SPATA17: variants seen among roughly 807,000 people sequenced by gnomAD.
The protein encoded by SPATA17 is spermatogenesis-associated protein 17.
Under a neutral mutation model 62.2 loss-of-function variants are expected in SPATA17, and 53 were observed. That is an observed-to-expected ratio of 0.85 (90% CI 0.68 to 1.07). The LOEUF is 1.07. Ranked by LOEUF, SPATA17 falls within the 50% of genes least tolerant of loss-of-function variation. SPATA17 has a pLI of 0.00. For synonymous variants in SPATA17, 146 were observed against 146.8 expected (o/e 0.99, Z 0.04); for missense variants, 466 against 425.5 (o/e 1.10, Z -0.84).
intron 1 of SPATA17, among the ~76,000 whole-genome samples, chr1:217,635,567 G>C (rs1669917582): frequency 6.6e-6 from 1 of 152,012 alleles, no homozygotes; most frequent in Non-Finnish European, 1.5e-5. Context: ...AGCCAGGGGT[G>C]GTGGTGCGCA....
chr1:217,819,614 C>T (rs1674811388), intron 9 of SPATA17, among the ~76,000 whole-genome samples: 1 of 152,024 alleles, frequency 6.6e-6, no homozygotes, highest in African/African-American at 2.4e-5. Flanking sequence ...CTTTAGTAAG[C>T]TTTCTCTCCC....
At chr1:217,849,552 C>T (rs909232458) in intron 9 of SPATA17, among the ~76,000 whole-genome samples, 6 of 152,084 alleles carry the variant, frequency 3.9e-5, no homozygotes, top group African/African-American at 1.4e-4. Context: ...AAAAAAAATT[C>T]TCTAATCTCT....
intron 5 of SPATA17, among the ~76,000 whole-genome samples, chr1:217,707,888 C>T (rs1671771217): frequency 6.6e-6 from 1 of 152,102 alleles, no homozygotes; most frequent in African/African-American, 2.4e-5. Flanking sequence ...AATAGAAATC[C>T]TTGTTAAGAA....
intron 9 of SPATA17, among the ~76,000 whole-genome samples, chr1:217,808,853 C>CAA (rs34369449): frequency 2.0e-5 from 2 of 100,286 alleles, no homozygotes; most frequent in Admixed American, 1.1e-4. Flanking sequence ...GACTCTGTCT[C>CAA]AAAAAAAAAA....
At position 217,714,046 on chromosome 1, in the gene SPATA17, T is replaced by C. The variant is rs531998429; in HGVS notation, c.396-27929T>C. On this transcript the variant is annotated intron_variant, in intron 5 of 10. Coordinates refer to ENST00000366933, the MANE Select transcript of SPATA17 (RefSeq NM_138796.4). ...GGAAATCACAAAGACATGGCCCAGATTGGAAGATAGAAGCCTAAAGGAAGA... is the reference window on the plus strand; with the variant it reads ...GGAAATCACAAAGACATGGCCCAGACTGGAAGATAGAAGCCTAAAGGAAGA... Among the ~76,000 whole-genome samples, 10 of 152,144 alleles carry C rather than the reference T, an allele frequency of 6.6e-5. No homozygotes were observed. In the South Asian group the frequency reaches 1.5e-3, roughly 22 times the overall value.
intron 5 of SPATA17, among the ~76,000 whole-genome samples, chr1:217,688,335 A>G (rs115952091): frequency 0.05 from 7,630 of 152,248 alleles, 249 homozygotes; most frequent in Middle Eastern, 0.12. Context: ...CTTTCTACCA[A>G]AACACCTACT....
At chr1:217,861,154 A>G (rs1019443917) in intron 9 of SPATA17, among the ~76,000 whole-genome samples, 1 of 152,014 alleles carries the variant, frequency 6.6e-6, no homozygotes, top group African/African-American at 2.4e-5. Flanking sequence ...CTTGTTCACA[A>G]GCGATAATGA....
intron 3 of SPATA17, among the ~76,000 whole-genome samples, chr1:217,660,015 A>G (rs1379185979): frequency 6.6e-6 from 1 of 152,150 alleles, no homozygotes; most frequent in Admixed American, 6.5e-5. Context: ...TGCTATACCT[A>G]TGTAAATATG....
chr1:217,806,836 A>G (rs1674446001), intron 9 of SPATA17, among the ~76,000 whole-genome samples: 1 of 152,164 alleles, frequency 6.6e-6, no homozygotes, highest in African/African-American at 2.4e-5. Flanking sequence ...CAATATAGTC[A>G]CATTGAGAGT....
At chr1:217,649,477 T>A (rs1010696095) in intron 2 of SPATA17, among the ~76,000 whole-genome samples, 5 of 152,074 alleles carry the variant, frequency 3.3e-5, no homozygotes, top group Non-Finnish European at 7.4e-5. Context: ...AGACTCTGCC[T>A]CAAAAAAATA....
intron 9 of SPATA17, among the ~76,000 whole-genome samples, chr1:217,825,999 A>G (rs12038214): frequency 0.15 from 23,244 of 152,132 alleles, 2,609 homozygotes; most frequent in East Asian, 0.53. Context: ...CTTTTGTTAT[A>G]TAGTAACTTT....
At chr1:217,755,879 C>A (rs1673029051) in intron 6 of SPATA17, among the ~76,000 whole-genome samples, 1 of 151,898 alleles carries the variant, frequency 6.6e-6, no homozygotes, top group African/African-American at 2.4e-5. Flanking sequence ...TATATCTATA[C>A]CAAAATCAAC....
intron 5 of SPATA17, among the ~76,000 whole-genome samples, chr1:217,710,126 G>A (rs1189703982): frequency 6.6e-6 from 1 of 152,062 alleles, no homozygotes; most frequent in Non-Finnish European, 1.5e-5. Context: ...CTATTTCATA[G>A]TTAATAGTAA....
intron 3 of SPATA17, among the ~76,000 whole-genome samples, chr1:217,666,046 T>G (rs2102894623): frequency 1.3e-5 from 2 of 152,296 alleles, no homozygotes; most frequent in East Asian, 3.9e-4. Flanking sequence ...TCAACAAATA[T>G]TTGGTGAACA....
chr1:217,711,796 G>C (rs1671871180), intron 5 of SPATA17, among the ~76,000 whole-genome samples: 1 of 152,092 alleles, frequency 6.6e-6, no homozygotes, highest in African/African-American at 2.4e-5. Context: ...GAAGAGACTG[G>C]GACTATAATA....
chr1:217,706,080 G>A (rs1430067445), intron 5 of SPATA17, among the ~76,000 whole-genome samples: 1 of 152,110 alleles, frequency 6.6e-6, no homozygotes, highest in Non-Finnish European at 1.5e-5. Context: ...GTCTGTTTTT[G>A]TAGCACTACC....
chr1:217,730,237 A>G lies in SPATA17; in HGVS notation c.396-11738A>G, dbSNP rs377065538. 2.1e-5 allele frequency among the ~76,000 whole-genome samples: 3 copies of G among 144,776 alleles called. No individual in the cohort carries two copies. In the Admixed American group the frequency reaches 2.1e-4, roughly 10 times the overall value. 95.0% of individuals were successfully genotyped at this position (144,776 alleles called of 152,430 possible). On this transcript the variant is annotated intron_variant, in intron 5 of 10. Coordinates refer to ENST00000366933, the MANE Select transcript of SPATA17 (RefSeq NM_138796.4). ...TAAAGTGATTTTTTTTTTTTTTTTG[A>G]GATGGAGTCTCACTCTGTCGCCAAG... is the stretch of plus-strand genomic sequence containing the variant.
intron 3 of SPATA17, 72 bp from the exon 4 acceptor site, chr1:217,668,961 T>G: frequency 1.6e-6 from 2 of 1,278,628 alleles, no homozygotes; most frequent in Non-Finnish European, 2.3e-6. Flanking sequence ...TTCTTATCTT[T>G]TATATGTAAA....
At chr1:217,663,566 C>T (rs1411642859) in intron 3 of SPATA17, among the ~76,000 whole-genome samples, 2 of 151,920 alleles carry the variant, frequency 1.3e-5, no homozygotes, top group East Asian at 1.9e-4. Flanking sequence ...AATGATTATA[C>T]TCAAAATTAT....
Sources: allele counts gnomAD v4.1 joint callset (sites outside exome capture counted in the v4.1 genomes callset), GRCh38; gene constraint gnomAD v4.1.1; transcripts MANE v1.5; gene names NCBI Gene and HGNC (gene_info 2026-07-23, HGNC 2026-07-21).